The following FUT5 variants were observed in gnomAD, a reference collection of about 807,000 sequenced individuals.
FUT5 encodes fucosyltransferase 5, also known as 4-galactosyl-N-acetylglucosaminide 3-alpha-L-fucosyltransferase FUT5.
Under a neutral mutation model 0.8 loss-of-function variants are expected in FUT5, and 1 was observed. The ratio of observed to expected loss-of-function variants is 1.26; its 90% confidence interval spans 0.45 to 5.99. The LOEUF (loss-of-function observed/expected upper bound fraction) is 5.99. FUT5 is among the 30% of genes most tolerant of loss of function. The pLI, the probability that FUT5 is intolerant of heterozygous loss-of-function variation, is 0.15. For missense variants in FUT5, 437 were observed against 517.8 expected, an observed-to-expected ratio of 0.84 and a Z score of 1.51; for synonymous variants, 212 against 225.7, an observed-to-expected ratio of 0.94 and a Z score of 0.54.
chr19:5,866,593 C>T lies in FUT5; in HGVS notation c.*8G>A. The T allele has an allele frequency of 6.2e-7, 1 of 1,613,152 alleles. No individual in the cohort carries two copies. Among genetic ancestry groups the T allele is most frequent in the Non-Finnish European group, 8.5e-7 (1 of 1,180,006 alleles). On this transcript the variant is annotated 3_prime_UTR_variant, in exon 2 of 2. Transcript: ENST00000588525. The surrounding 1 kb of genome is among the most constrained non-coding windows in gnomAD (Gnocchi z 4.9). Reference sequence around the variant, plus strand: ...AGGTCCCGGCAGCCCAGGCCCCATGCCGGCCTCTCAGGTGAACCAAGCCGC... The same window carrying T: ...AGGTCCCGGCAGCCCAGGCCCCATGTCGGCCTCTCAGGTGAACCAAGCCGC...
chr19:5,869,401 C>T (rs1365612217), intron 1 of FUT5, among the ~76,000 whole-genome samples: 1 of 151,168 alleles, frequency 6.6e-6, no homozygotes, highest in Non-Finnish European at 1.5e-5. Context: ...CAGGTGGGTA[C>T]CACCATGCCC....
In FUT5 at chr19:5,866,414, C is replaced by T. The variant is rs979368052; in HGVS notation, c.*187G>A. 1 of 933,432 alleles carries T rather than the reference C, an allele frequency of 1.1e-6. No homozygotes were observed. Among genetic ancestry groups the T allele is most frequent in the Admixed American group, 2.3e-5 (1 of 44,284 alleles). The allele number at this position is 933,432 out of a possible 1,614,324, so 57.8% of individuals were successfully genotyped here. ...CAGTGAAGCCCGGCAAGTGAAATCC[C>T]AGGTAAGTCACATGCCTGGCCACCA... On this transcript the variant is annotated 3_prime_UTR_variant, in exon 2 of 2. Coordinates refer to ENST00000588525, the MANE Select transcript of FUT5 (RefSeq NM_002034.2). This position sits in a 1 kb window ranked among gnomAD's most constrained non-coding sequence, Gnocchi z 4.9.
intron 1 of FUT5, among the ~76,000 whole-genome samples, chr19:5,868,010 G>A (rs935353958): frequency 6.6e-6 from 1 of 152,178 alleles, no homozygotes; most frequent in Non-Finnish European, 1.5e-5. Flanking sequence ...GCCTGGCGGG[G>A]TGAGACACCT....
Position 5,867,518 on chromosome 19 carries a change from T to C in FUT5, c.208A>G (p.Thr70Ala). 1.2e-6 allele frequency: 2 copies of C among 1,612,972 alleles called. No homozygotes were observed. The highest frequency in any genetic ancestry group is 1.7e-6 in the Non-Finnish European group (2 of 1,179,816). The change falls in exon 2 of 2, where the codon ACC (threonine) becomes GCC (alanine). Residue 70 changes from threonine to alanine, a missense_variant. Physicochemically the swap from Thr to Ala is moderately conservative, Grantham distance 58 (BLOSUM62 0). Around this residue, in one of 2 missense-constraint regions of FUT5, gnomAD observed 261 missense variants for 242.6 expected, o/e 1.08. Coordinates refer to ENST00000588525, the MANE Select transcript of FUT5 (RefSeq NM_002034.2). The surrounding 1 kb of genome is among the most constrained non-coding windows in gnomAD (Gnocchi z 5.0). ...NGSRCQDSMA[T>A]PAHPTLLILL... ...ATCAGTAGGGTGGGGTGGGCAGGGGTCGCCATGCTGTCCTGGCAGCGGGAC... is the reference window on the plus strand; with the variant it reads ...ATCAGTAGGGTGGGGTGGGCAGGGGCCGCCATGCTGTCCTGGCAGCGGGAC...
chr19:5,870,384 A>G (rs1285902068), intron 1 of FUT5, 81 bp downstream of exon 1: 1 of 152,184 alleles, frequency 6.6e-6, no homozygotes, highest in Admixed American at 6.6e-5. Flanking sequence ...ACCCATGGTC[A>G]CAGCAGCCTG....
Position 5,866,424 on chromosome 19 carries a change from A to T in FUT5, c.*177T>A. 10 of 1,020,692 alleles carry T rather than the reference A, an allele frequency of 9.8e-6. No individual in the cohort carries two copies. In the South Asian group the frequency reaches 1.3e-4, roughly 13 times the overall value. 63.2% of individuals were successfully genotyped at this position (1,020,692 alleles called of 1,614,324 possible). A position where few individuals can be genotyped will look rare whatever the true frequency, so the allele number is the denominator to read the frequency against. ...CGGCAAGTGAAATCCCAGGTAAGTC[A>T]CATGCCTGGCCACCAAAGACTCCAG... On this transcript the variant is annotated 3_prime_UTR_variant, in exon 2 of 2. Coordinates refer to ENST00000588525, the MANE Select transcript of FUT5 (RefSeq NM_002034.2). The surrounding 1 kb of genome is among the most constrained non-coding windows in gnomAD (Gnocchi z 4.9).
At position 5,866,510 on chromosome 19, in the gene FUT5, C is replaced by T. The variant is rs1304942883; in HGVS notation, c.*91G>A. 6.2e-7 allele frequency: 1 copy of T among 1,603,510 alleles called. No individual in the cohort carries two copies. The highest frequency in any genetic ancestry group is 8.5e-7 in the Non-Finnish European group (1 of 1,174,082). Reference sequence around the variant, plus strand: ...CCGAGGCCCCAGGCAGCCGAGGCCCCAGGTAGGTAAATCCCCCGACTAGTG... The same window carrying T: ...CCGAGGCCCCAGGCAGCCGAGGCCCTAGGTAGGTAAATCCCCCGACTAGTG... On this transcript the variant is annotated 3_prime_UTR_variant, in exon 2 of 2. Transcript: ENST00000588525. This position sits in a 1 kb window ranked among gnomAD's most constrained non-coding sequence, Gnocchi z 4.9.
intron 1 of FUT5, among the ~76,000 whole-genome samples, chr19:5,868,570 C>T (rs764861148): frequency 1.3e-5 from 2 of 152,216 alleles, no homozygotes; most frequent in South Asian, 2.1e-4. Context: ...CGTGAGGGCT[C>T]ATGCCTGTAA....
In FUT5 at chr19:5,866,232, G is replaced by A. The variant is rs1568422993; in HGVS notation, c.*369C>T. 2 of 402,420 alleles carry A rather than the reference G, an allele frequency of 5.0e-6. No homozygotes were observed. 24.9% of individuals were successfully genotyped at this position (402,420 alleles called of 1,614,324 possible). A position where few individuals can be genotyped will look rare whatever the true frequency, so the allele number is the denominator to read the frequency against. On this transcript the variant is annotated 3_prime_UTR_variant, in exon 2 of 2. Coordinates refer to ENST00000588525, the MANE Select transcript of FUT5 (RefSeq NM_002034.2). This position sits in a 1 kb window ranked among gnomAD's most constrained non-coding sequence, Gnocchi z 4.9. ...CCAGCGGGTGAGGCTCCTAGCAGGT[G>A]ACATTCAGTGTGGCAAGGTCTCTGG...
In FUT5 at chr19:5,866,827, G is replaced by A. The variant is rs549680928; in HGVS notation, c.899C>T (p.Pro300Leu). Residue 300 changes from proline (P) to leucine (L), a missense_variant, in exon 2 of 2, where the codon CCC (proline) becomes CTC (leucine). By Grantham distance (98) the Pro-to-Leu change is moderately conservative. Around this residue, in one of 2 missense-constraint regions of FUT5, gnomAD observed 176 missense variants for 275.2 expected, o/e 0.64. Coordinates refer to ENST00000588525, the MANE Select transcript of FUT5 (RefSeq NM_002034.2). This position sits in a 1 kb window ranked among gnomAD's most constrained non-coding sequence, Gnocchi z 4.9. The part of the protein sequence containing the change: ...SRSNYERFLP[P>L]DAFIHVDDFQ... ...GTCGTCCACGTGGATGAAGGCGTCG[G>A]GTGGCAGGAACCTCTCGTAGTTGCT... 6.2e-7 allele frequency: 1 copy of A among 1,604,692 alleles called. No individual in the cohort carries two copies. Among genetic ancestry groups the A allele is most frequent in the Non-Finnish European group, 8.5e-7 (1 of 1,176,496 alleles).
rs1311591933 is a variant in FUT5, at chr19:5,866,663, A to G, written c.1063T>C (p.Trp355Arg). 1 of 1,612,792 alleles carries G rather than the reference A, an allele frequency of 6.2e-7. No individual in the cohort carries two copies. The highest frequency in any genetic ancestry group is 8.5e-7 in the Non-Finnish European group (1 of 1,179,978). Residue 355 changes from tryptophan (W) to arginine (R), a missense_variant, in exon 2 of 2, where the codon TGG becomes CGG. By Grantham distance (101) the Trp-to-Arg change is moderately radical. Around this residue, in one of 2 missense-constraint regions of FUT5, gnomAD observed 176 missense variants for 275.2 expected, o/e 0.64. Transcript: ENST00000588525. This position sits in a 1 kb window ranked among gnomAD's most constrained non-coding sequence, Gnocchi z 4.9. Reference sequence around the variant, plus strand: ...TACCTAGATTCCTGCTGCAGCTTCCAGCAGGCCTTGCAGAAAGCCAGTGCC... The same window carrying G: ...TACCTAGATTCCTGCTGCAGCTTCCGGCAGGCCTTGCAGAAAGCCAGTGCC... Reference protein sequence around the residue: ...SWALAFCKACWKLQQESRYQT... With the variant: ...SWALAFCKACRKLQQESRYQT...
chr19:5,866,937 G>C lies in FUT5; in HGVS notation c.789C>G (p.Ser263=). The change falls in exon 2 of 2, where the codon TCC becomes TCG. Residue 263 remains serine, a synonymous_variant. Coordinates refer to ENST00000588525, the MANE Select transcript of FUT5 (RefSeq NM_002034.2). This position sits in a 1 kb window ranked among gnomAD's most constrained non-coding sequence, Gnocchi z 4.9. ...RYKFYLAFEN[S]LHPDYITEKL... ...TCTCGGTGATGTAGTCGGGGTGCAAGGAGTTCTCGAAGGCCAGATAGAACT... is the reference window on the plus strand; with the variant it reads ...TCTCGGTGATGTAGTCGGGGTGCAACGAGTTCTCGAAGGCCAGATAGAACT... 1 of 1,613,410 alleles carries C rather than the reference G, an allele frequency of 6.2e-7. No individual in the cohort carries two copies. Among genetic ancestry groups the C allele is most frequent in the Non-Finnish European group, 8.5e-7 (1 of 1,179,768 alleles).
intron 1 of FUT5, among the ~76,000 whole-genome samples, chr19:5,870,066 C>CAA (rs72405451): frequency 0.38 from 26,397 of 70,282 alleles, 4,277 homozygotes; most frequent in East Asian, 0.59. Flanking sequence ...AACTCCATCT[C>CAA]AAAAAAAAAA....
rs2057506864 is a variant in FUT5 at position 5,867,119 on chromosome 19, T to C, written c.607A>G (p.Thr203Ala). 6.2e-7 allele frequency: 1 copy of C among 1,612,946 alleles called. No homozygotes were observed. The highest frequency in any genetic ancestry group is 1.7e-5 in the Admixed American group (1 of 59,950). Residue 203 changes from threonine (T) to alanine (A), a missense_variant, in exon 2 of 2, where the codon ACC becomes GCC. Physicochemically the swap from Thr to Ala is moderately conservative, Grantham distance 58. This residue lies in a region of FUT5 where 176 missense variants were observed against 275.2 expected (regional missense o/e 0.64). Coordinates refer to ENST00000588525, the MANE Select transcript of FUT5 (RefSeq NM_002034.2). This position sits in a 1 kb window ranked among gnomAD's most constrained non-coding sequence, Gnocchi z 5.0. ...AHPPLNLSAK[T>A]ELVAWAVSNW... ...GACACCGCCCAGGCCACCAGCTCGG[T>C]CTTGGCCGAGAGGTTGAGCGGTGGG...
chr19:5,870,412 C>G (rs555896933), intron 1 of FUT5, 53 bp downstream of exon 1: 4 of 152,300 alleles, frequency 2.6e-5, no homozygotes, highest in African/African-American at 7.2e-5. Context: ...ACAGAACAAA[C>G]AGCCCAAAGG....
chr19:5,868,045 G>A (rs889063311), intron 1 of FUT5, among the ~76,000 whole-genome samples: 1 of 152,198 alleles, frequency 6.6e-6, no homozygotes, highest in Non-Finnish European at 1.5e-5. Context: ...CAAAGAAAAG[G>A]AAGTGCTCAG....
rs752413777 is a variant in FUT5 at position 5,866,976 on chromosome 19, C to T, written c.750G>A (p.Thr250=). 12 of 1,613,614 alleles carry T rather than the reference C, an allele frequency of 7.4e-6. No homozygotes were observed. The highest frequency in any genetic ancestry group is 8.5e-6 in the Non-Finnish European group (10 of 1,179,812). ...KPLPKGTMME[T]LSRYKFYLAF... ...CCAGATAGAACTTGTACCGGGACAGCGTCTCCATCATGGTCCCCTTGGGCA... is the reference window on the plus strand; with the variant it reads ...CCAGATAGAACTTGTACCGGGACAGTGTCTCCATCATGGTCCCCTTGGGCA... The change falls in exon 2 of 2, where the codon ACG becomes ACA. Residue 250 remains threonine (T), a synonymous_variant. Transcript: ENST00000588525. The surrounding 1 kb of genome is among the most constrained non-coding windows in gnomAD (Gnocchi z 4.9).
chr19:5,869,567 T>C (rs933744546), intron 1 of FUT5, among the ~76,000 whole-genome samples: 4 of 152,102 alleles, frequency 2.6e-5, no homozygotes, highest in Admixed American at 6.6e-5. Context: ...AATTTTTTTT[T>C]CCCACCAAAC....
intron 1 of FUT5, among the ~76,000 whole-genome samples, chr19:5,868,488 T>C (rs920547605): frequency 3.3e-5 from 5 of 152,056 alleles, no homozygotes; most frequent in African/African-American, 1.2e-4. Flanking sequence ...GATGCCAGGG[T>C]GGACTGTTTA....
Sources: gnomAD v4.1 joint callset for allele counts (sites outside exome capture counted in the v4.1 genomes callset) on GRCh38, gnomAD v4.1.1 for gene constraint, gnomAD v4.1.1 regional missense constraint, Gnocchi (gnomAD v3.1) non-coding constraint, MANE v1.5 for transcripts, NCBI Gene and HGNC (gene_info 2026-07-23, HGNC 2026-07-21) for gene names.